Variants in ANXA4 observed in about 807,000 individuals in gnomAD.
The protein encoded by ANXA4 is 35-beta calcimedin.
A neutral mutation model predicts 49.8 loss-of-function variants in ANXA4; 39 were observed. The observed-to-expected ratio is 0.78, with a 90% CI of 0.61 to 1.02. The LOEUF (loss-of-function observed/expected upper bound fraction) is 1.02. Ranked by LOEUF, ANXA4 falls within the 50% of genes least tolerant of loss-of-function variation. ANXA4 has a pLI of 0.00. For synonymous variants in ANXA4, 134 were observed against 152.5 expected (o/e 0.88, Z 0.89); for missense variants, 360 against 410.1 (o/e 0.88, Z 1.05).
At position 69,743,687 on chromosome 2, in the gene ANXA4, T is replaced by A. The variant is rs115435217; in HGVS notation, c.-47+1512T>A. Among the ~76,000 whole-genome samples, 1,478 of 152,200 alleles carry A rather than the reference T, an allele frequency of 9.7e-3. 20 individuals carry two copies. The highest frequency in any genetic ancestry group is 0.032 in the African/African-American group (1,331 of 41,526). ...CATCCTCATTCAGCTCATGTCAGAT[T>A]TCTGTTGATTGAAGATAGAGACACA... On this transcript the variant is annotated intron_variant, in intron 1 of 12. Transcript: ENST00000394295.
At chr2:69,661,277 C>T (rs1676708494) in intron 2 of ANXA4, among the ~76,000 whole-genome samples, 1 of 147,752 alleles carries the variant, frequency 6.8e-6, no homozygotes, top group Non-Finnish European at 1.5e-5. Flanking sequence ...CCTAAAGGAG[C>T]TACTAAAATT....
At chr2:69,712,856 C>T (rs1678718564) in intron 2 of ANXA4, among the ~76,000 whole-genome samples, 1 of 152,190 alleles carries the variant, frequency 6.6e-6, no homozygotes, top group South Asian at 2.1e-4. Flanking sequence ...TAAATCCTAT[C>T]CACATTTTGT....
chr2:69,706,393 C>T (rs576257783), intron 2 of ANXA4, among the ~76,000 whole-genome samples: 1 of 146,046 alleles, frequency 6.8e-6, no homozygotes, highest in South Asian at 2.2e-4. Context: ...CTCTGCCTCC[C>T]GGGTTCAAGC....
At chr2:69,794,729 A>AT (rs945318876) in intron 3 of ANXA4, among the ~76,000 whole-genome samples, 3 of 151,534 alleles carry the variant, frequency 2.0e-5, no homozygotes, top group Non-Finnish European at 4.4e-5. Context: ...TGCCCAGCTA[A>AT]TTTTTTTTGC....
intron 4 of ANXA4, among the ~76,000 whole-genome samples, chr2:69,804,846 G>C (rs1673371921): frequency 6.6e-6 from 1 of 151,984 alleles, no homozygotes; most frequent in Non-Finnish European, 1.5e-5. Flanking sequence ...AGGAGTTTGA[G>C]ACCAACCTGG....
At chr2:69,732,798 G>A (rs775773400) in intron 3 of ANXA4, among the ~76,000 whole-genome samples, 8 of 152,050 alleles carry the variant, frequency 5.3e-5, no homozygotes, top group Non-Finnish European at 8.8e-5. Context: ...TGCCAAAAGC[G>A]GACCTTAGTC....
At chr2:69,756,700 A>C (rs1236215035) in intron 1 of ANXA4, among the ~76,000 whole-genome samples, 3 of 152,094 alleles carry the variant, frequency 2.0e-5, no homozygotes, top group Admixed American at 6.5e-5. Context: ...TTTTTCTTCC[A>C]AATTTTGACT....
At chr2:69,760,981 G>A (rs889856590) in intron 1 of ANXA4, among the ~76,000 whole-genome samples, 2 of 150,708 alleles carry the variant, frequency 1.3e-5, no homozygotes, top group African/African-American at 4.9e-5. Flanking sequence ...GGGCAACATA[G>A]TGACACCTCG....
intron 3 of ANXA4, among the ~76,000 whole-genome samples, chr2:69,793,077 C>T (rs1672766282): frequency 6.6e-6 from 1 of 151,522 alleles, no homozygotes; most frequent in South Asian, 2.1e-4. Context: ...CATGGTGAAA[C>T]CCCGTCTCTA....
At chr2:69,789,782 C>T (rs2103716273) in intron 3 of ANXA4, among the ~76,000 whole-genome samples, 1 of 152,218 alleles carries the variant, frequency 6.6e-6, no homozygotes, top group African/African-American at 2.4e-5. Flanking sequence ...TTATCCCATT[C>T]TCTGACCACA....
intron 2 of ANXA4, among the ~76,000 whole-genome samples, chr2:69,655,055 A>C (rs566771834): frequency 3.3e-5 from 5 of 152,256 alleles, no homozygotes; most frequent in Admixed American, 3.3e-4. Flanking sequence ...TAAATGTAAG[A>C]CCTAAAACCA....
At chr2:69,714,314 C>G (rs1260975502) in intron 2 of ANXA4, among the ~76,000 whole-genome samples, 3 of 151,114 alleles carry the variant, frequency 2.0e-5, no homozygotes, top group Non-Finnish European at 4.4e-5. Flanking sequence ...GGGGAGCGTA[C>G]AGTTTCCGGA....
intron 11 of ANXA4, among the ~76,000 whole-genome samples, chr2:69,820,236 G>GTT (rs34277325): frequency 6.6e-4 from 97 of 146,318 alleles, no homozygotes; most frequent in South Asian, 4.1e-3. Context: ...AGAGGAAAGG[G>GTT]TTTTTTTTTT....
chr2:69,716,355 A>G (rs1363356179), intron 2 of ANXA4, among the ~76,000 whole-genome samples: 1 of 152,182 alleles, frequency 6.6e-6, no homozygotes, highest in Non-Finnish European at 1.5e-5. Flanking sequence ...AAAAGTCTTC[A>G]TAGAACAGGT....
chr2:69,734,579 G>A (rs1391225385), intron 3 of ANXA4, among the ~76,000 whole-genome samples: 2 of 152,130 alleles, frequency 1.3e-5, no homozygotes, highest in African/African-American at 2.4e-5. Context: ...ATGCCCAGAT[G>A]TCTGTGGTCA....
intron 2 of ANXA4, chr2:69,653,374 A>T (rs929688429): frequency 6.6e-6 from 1 of 152,226 alleles, no homozygotes; most frequent in East Asian, 1.9e-4. Flanking sequence ...GAAAGTGGGG[A>T]CAATGAAAAT....
In ANXA4 at chr2:69,771,105, A is replaced by G. The variant is rs1031678458; in HGVS notation, c.-46-10415A>G. Among the ~76,000 whole-genome samples the G allele has an allele frequency of 4.6e-3, 652 of 140,966 alleles. 1 individual carries two copies. Among genetic ancestry groups the G allele is most frequent in the African/African-American group, 0.016 (614 of 37,874 alleles). The allele number at this position is 140,966 out of a possible 152,430, so 92.5% of individuals were successfully genotyped here. A position where few individuals can be genotyped will look rare whatever the true frequency, so the allele number is the denominator to read the frequency against. On this transcript the variant is annotated intron_variant, in intron 1 of 12. Coordinates refer to ENST00000394295, the MANE Select transcript of ANXA4 (RefSeq NM_001153.5). ...CAAGACCCTGTCTCCAAAAAAAAAAAAAAGAAAAAAAAAAAAAAAAGAAAG... is the reference window on the plus strand; with the variant it reads ...CAAGACCCTGTCTCCAAAAAAAAAAGAAAGAAAAAAAAAAAAAAAAGAAAG...
chr2:69,757,889 A>ATCTCCATCCC (rs1389772754), intron 1 of ANXA4, among the ~76,000 whole-genome samples: 3 of 144,438 alleles, frequency 2.1e-5, no homozygotes, highest in Non-Finnish European at 4.5e-5. Flanking sequence ...AACCCAGGGG[A>ATCTCCATCCC]TGGAGGTTGC....
At chr2:69,748,146 C>T (rs28848171) in intron 1 of ANXA4, among the ~76,000 whole-genome samples, 2,169 of 151,954 alleles carry the variant, frequency 0.014, 51 homozygotes, top group African/African-American at 0.049. Context: ...GAGGCTGAGG[C>T]GGGTGGATCA....
Sources: allele counts gnomAD v4.1 joint callset (sites outside exome capture counted in the v4.1 genomes callset), GRCh38; gene constraint gnomAD v4.1.1; transcripts MANE v1.5; gene names NCBI Gene and HGNC (gene_info 2026-07-23, HGNC 2026-07-21).